Variants in SRD5A2 observed in about 807,000 individuals in gnomAD.
SRD5A2 encodes the protein 3-oxo-5-alpha-steroid 4-dehydrogenase 2.
A neutral mutation model predicts 27.4 loss-of-function variants in SRD5A2; 30 were observed. The ratio of observed to expected loss-of-function variants is 1.10; its 90% CI spans 0.82 to 1.49. SRD5A2 has a LOEUF of 1.49. SRD5A2 is among the 40% of genes most tolerant of loss of function. The pLI is 0.00. For synonymous variants in SRD5A2, 141 were observed against 133.6 expected (o/e 1.06, Z -0.38); for missense variants, 348 against 323.4 (o/e 1.08, Z -0.58).
the SRD5A2 span, among the ~76,000 whole-genome samples, chr2:31,649,477 T>C: frequency 1.3e-5 from 2 of 152,164 alleles, no homozygotes; most frequent in Non-Finnish European, 2.9e-5. Flanking sequence ...CCCAAATCAA[T>C]GCTTTTAGAA....
the SRD5A2 span, among the ~76,000 whole-genome samples, chr2:31,599,968 A>T: frequency 8.5e-6 from 1 of 118,254 alleles, no homozygotes; most frequent in Non-Finnish European, 1.9e-5. Context: ...ATTTTTCCTG[A>T]TCCTCTCCTT....
At chr2:31,583,639 G>T (rs999736096), upstream of SRD5A2, among the ~76,000 whole-genome samples, 2 of 17,504 alleles carry the variant, frequency 1.1e-4, no homozygotes, top group Non-Finnish European at 1.3e-4. Context: ...CAAAAAAAAA[G>T]CAAAAAAAAA....
intron 1 of SRD5A2, among the ~76,000 whole-genome samples, chr2:31,561,566 G>A (rs954079974): frequency 1.3e-5 from 2 of 152,088 alleles, no homozygotes; most frequent in African/African-American, 4.8e-5. Flanking sequence ...TAAGTTCCCT[G>A]CTTATGTTTT....
rs1309443473 is a variant in SRD5A2, at chr2:31,523,411, A to C, written c.*2785T>G. ...TGTGCCTTAAGCAGAAGAAGCATAC[A>C]TCTGACCCTCAAAGGGACAAAATGA... On this transcript the variant is annotated 3_prime_UTR_variant, in exon 5 of 5. Coordinates refer to ENST00000622030, the MANE Select transcript of SRD5A2 (RefSeq NM_000348.4). The C allele has an allele frequency of 1.4e-5, 3 of 216,690 alleles. No homozygotes were observed. The highest frequency in any genetic ancestry group is 2.8e-5 in the Non-Finnish European group (3 of 107,696). 13.4% of individuals were successfully genotyped at this position (216,690 alleles called of 1,614,324 possible).
the SRD5A2 span, among the ~76,000 whole-genome samples, chr2:31,613,700 T>C: frequency 1.2e-4 from 18 of 152,142 alleles, no homozygotes; most frequent in Non-Finnish European, 1.9e-4. Context: ...ACTCTGCTAA[T>C]AGAGACATAC....
the SRD5A2 span, among the ~76,000 whole-genome samples, chr2:31,603,909 AAG>A: frequency 1.3e-5 from 2 of 151,782 alleles, no homozygotes; most frequent in Non-Finnish European, 2.9e-5. Context: ...GTGGGGTGGA[AAG>A]AGAGAGCATC....
At chr2:31,639,492 G>T in the SRD5A2 span, among the ~76,000 whole-genome samples, 479 of 152,116 alleles carry the variant, frequency 3.1e-3, 3 homozygotes, top group African/African-American at 0.011. Flanking sequence ...CTTTCAGATT[G>T]AAGAACTCCC....
chr2:31,661,501 C>A, the SRD5A2 span, among the ~76,000 whole-genome samples: 1 of 152,178 alleles, frequency 6.6e-6, no homozygotes, highest in African/African-American at 2.4e-5. Context: ...GTTTGATATA[C>A]AACCATCTTT....
At chr2:31,634,638 G>A in the SRD5A2 span, among the ~76,000 whole-genome samples, 1 of 151,932 alleles carries the variant, frequency 6.6e-6, no homozygotes, top group Non-Finnish European at 1.5e-5. Flanking sequence ...GTACAGTTTA[G>A]TGGTAATAAA....
chr2:31,599,240 T>C, the SRD5A2 span, among the ~76,000 whole-genome samples: 18 of 152,108 alleles, frequency 1.2e-4, no homozygotes, highest in South Asian at 2.1e-4. Context: ...ACTTTCAGCA[T>C]TGAACATATC....
At chr2:31,626,848 G>T in the SRD5A2 span, among the ~76,000 whole-genome samples, 8 of 152,026 alleles carry the variant, frequency 5.3e-5, no homozygotes, top group African/African-American at 1.7e-4. Context: ...GCTAGGCTTT[G>T]GTATCAGGAT....
intron 1 of SRD5A2, among the ~76,000 whole-genome samples, chr2:31,551,335 A>T (rs1160127104): frequency 7.2e-5 from 11 of 152,164 alleles, no homozygotes; most frequent in Admixed American, 5.9e-4. Context: ...TATAGACAAG[A>T]TAATTCTAAA....
chr2:31,636,137 T>C, the SRD5A2 span, among the ~76,000 whole-genome samples: 1 of 152,092 alleles, frequency 6.6e-6, no homozygotes, highest in African/African-American at 2.4e-5. Context: ...GGTAGTATTA[T>C]CATTTTACAC....
chr2:31,596,334 G>A, the SRD5A2 span, among the ~76,000 whole-genome samples: 2 of 141,922 alleles, frequency 1.4e-5, no homozygotes, highest in Non-Finnish European at 3.0e-5. Flanking sequence ...GTTGCAGTGA[G>A]CCAAGATCAT....
chr2:31,627,429 C>CGG, the SRD5A2 span, among the ~76,000 whole-genome samples: 14 of 142,570 alleles, frequency 9.8e-5, no homozygotes, highest in South Asian at 2.2e-4. Context: ...TTCTTTTGTA[C>CGG]GGGGGTGTGT....
the SRD5A2 span, among the ~76,000 whole-genome samples, chr2:31,628,822 T>C: frequency 6.6e-6 from 1 of 152,196 alleles, no homozygotes; most frequent in Non-Finnish European, 1.5e-5. Context: ...GTTAGTGTTA[T>C]GGGGTTCCCT....
At chr2:31,592,327 A>G in the SRD5A2 span, among the ~76,000 whole-genome samples, 1 of 152,016 alleles carries the variant, frequency 6.6e-6, no homozygotes. Context: ...CACCTACAAC[A>G]CCCTGGCTAA....
the SRD5A2 span, among the ~76,000 whole-genome samples, chr2:31,594,468 T>C: frequency 6.6e-6 from 1 of 152,174 alleles, no homozygotes; most frequent in Non-Finnish European, 1.5e-5. Flanking sequence ...GGATGTTATA[T>C]AATGACAAAA....
At position 31,549,952 on chromosome 2, in the gene SRD5A2, A is replaced by T. The variant is rs143389242; in HGVS notation, c.282-16186T>A. On this transcript the variant is annotated intron_variant, in intron 1 of 4. Coordinates refer to ENST00000622030, the MANE Select transcript of SRD5A2 (RefSeq NM_000348.4). Reference sequence around the variant, plus strand: ...AACAGCAGAATGCACATTCTTTTCAAGTGGCCATGGGATATATACCACAGT... The same window carrying T: ...AACAGCAGAATGCACATTCTTTTCATGTGGCCATGGGATATATACCACAGT... Among the ~76,000 whole-genome samples, 654 of 152,294 alleles carry T rather than the reference A, an allele frequency of 4.3e-3. 9 individuals carry two copies. The highest frequency in any genetic ancestry group is 0.015 in the African/African-American group (629 of 41,572).
Sources: allele counts gnomAD v4.1 joint callset (sites outside exome capture counted in the v4.1 genomes callset), GRCh38; gene constraint gnomAD v4.1.1; transcripts MANE v1.5; gene names NCBI Gene and HGNC (gene_info 2026-07-23, HGNC 2026-07-21).